MAST2: variants seen among roughly 807,000 people sequenced by gnomAD.
The protein encoded by MAST2 is microtubule associated serine/threonine kinase 2, also known as microtubule-associated serine/threonine-protein kinase 2.
A neutral mutation model predicts 147.4 loss-of-function variants in MAST2; 70 were observed. The ratio of observed to expected loss-of-function variants is 0.47; its 90% CI spans 0.39 to 0.58. MAST2 has a LOEUF of 0.58. MAST2 is among the 20% of genes least tolerant of loss of function. The pLI is 0.00. For synonymous variants in MAST2, 869 were observed against 896.8 expected (o/e 0.97, Z 0.55); for missense variants, 2,080 against 2,302.3 (o/e 0.90, Z 1.98).
At chr1:45,865,078 CT>C (rs772178654) in intron 3 of MAST2, 16 of 454,822 alleles carry the variant, frequency 3.5e-5, no homozygotes, top group South Asian at 1.9e-4. Context: ...TGGGGAGTGG[CT>C]TTTTTTTGTC....
In MAST2 at chr1:45,858,736, T is replaced by C. The variant is rs534353345; in HGVS notation, c.469-23628T>C. Among the ~76,000 whole-genome samples the C allele has an allele frequency of 3.7e-4, 56 of 150,922 alleles. No individual in the cohort carries two copies. In the South Asian group the frequency reaches 0.011, roughly 30 times the overall value. On this transcript the variant is annotated intron_variant, in intron 3 of 28. Coordinates refer to ENST00000361297, the MANE Select transcript of MAST2 (RefSeq NM_015112.3). ...TGCCTAGGTTTTCTTCTAGGGTTTT[T>C]ATGGTTTTAGGTCTAACATTTAAGT...
chr1:46,030,785 G>C lies in MAST2; in HGVS notation c.2708+24G>C, dbSNP rs1327390806. On this transcript the variant is annotated intron_variant, in intron 22 of 28. Transcript: ENST00000361297. ...ATGTGAGCACCCAGAGTTCACCCAG[G>C]GTGGGCGACACAGCTATCCCTGCAT... The C allele has an allele frequency of 1.9e-6, 3 of 1,550,590 alleles. No homozygotes were observed. The African/African-American group carries it at 4.1e-5, about 21-fold the overall frequency.
intron 4 of MAST2, among the ~76,000 whole-genome samples, chr1:45,958,503 C>T (rs1270432444): frequency 2.0e-5 from 3 of 150,984 alleles, no homozygotes; most frequent in African/African-American, 7.3e-5. Context: ...TCCTTTTCTC[C>T]CTCTCCCTCC....
At chr1:45,898,206 A>G (rs965396282) in intron 4 of MAST2, among the ~76,000 whole-genome samples, 3 of 152,192 alleles carry the variant, frequency 2.0e-5, no homozygotes, top group African/African-American at 7.2e-5. Context: ...TTGTGTAGTC[A>G]TACTAGCATC....
At chr1:45,815,886 A>G (rs1465722075) in intron 1 of MAST2, among the ~76,000 whole-genome samples, 5 of 152,166 alleles carry the variant, frequency 3.3e-5, no homozygotes, top group Admixed American at 1.3e-4. Context: ...GGGAAATGTC[A>G]TGTGGCCTGT....
chr1:45,869,910 CTTTTG>C (rs1646311556), intron 3 of MAST2, among the ~76,000 whole-genome samples: 1 of 117,744 alleles, frequency 8.5e-6, no homozygotes. Flanking sequence ...TCCTGTGATT[CTTTTG>C]TTTGTTTGTT....
intron 4 of MAST2, among the ~76,000 whole-genome samples, chr1:45,941,629 A>G (rs1047803788): frequency 3.9e-5 from 6 of 152,000 alleles, no homozygotes; most frequent in Admixed American, 1.3e-4. Flanking sequence ...GAATGATAAC[A>G]GTTTTACTTA....
intron 5 of MAST2, among the ~76,000 whole-genome samples, chr1:45,989,770 A>C (rs1644790048): frequency 6.6e-6 from 1 of 152,040 alleles, no homozygotes; most frequent in Non-Finnish European, 1.5e-5. Flanking sequence ...GGCACCATTG[A>C]TTGTTTTACT....
Position 46,032,399 on chromosome 1 carries a change from G to C in MAST2, c.3409G>C (p.Val1137Leu). The C allele has an allele frequency of 6.2e-7, 1 of 1,614,146 alleles. No homozygotes were observed. Among genetic ancestry groups the C allele is most frequent in the Non-Finnish European group, 8.5e-7 (1 of 1,180,012 alleles). Residue 1137 changes from valine to leucine, a missense_variant, in exon 25 of 29, where the codon GTG becomes CTG. Physicochemically the swap from Val to Leu is conservative, Grantham distance 32. Transcript: ENST00000361297. ...CGATGTCTACACCGTGCACCATATGGTGTGGGTATGTCTGACCATCCAGAC... is the reference window on the plus strand; with the variant it reads ...CGATGTCTACACCGTGCACCATATGCTGTGGGTATGTCTGACCATCCAGAC... ...DSDVYTVHHM[V>L]WHVEDGGPAS...
intron 3 of MAST2, among the ~76,000 whole-genome samples, chr1:45,839,616 G>A (rs1388741385): frequency 6.6e-6 from 1 of 152,110 alleles, no homozygotes; most frequent in Non-Finnish European, 1.5e-5. Context: ...TCTCCATTAA[G>A]CTATAGATTT....
At chr1:45,807,425 C>T (rs189551723) in intron 1 of MAST2, among the ~76,000 whole-genome samples, 5 of 152,284 alleles carry the variant, frequency 3.3e-5, no homozygotes, top group African/African-American at 1.2e-4. Context: ...TGTCACAGAA[C>T]ATCCTTGTAA....
chr1:45,810,428 A>T (rs1021193349), intron 1 of MAST2, among the ~76,000 whole-genome samples: 3 of 152,208 alleles, frequency 2.0e-5, no homozygotes, highest in Non-Finnish European at 4.4e-5. Flanking sequence ...TCGGTTTGTT[A>T]TTGCCAGACC....
chr1:46,027,638 G>A, intron 16 of MAST2, 93 bp from the exon 17 acceptor site: 1 of 1,378,294 alleles, frequency 7.3e-7, no homozygotes, highest in Non-Finnish European at 1.0e-6. Context: ...GTACCCCCAT[G>A]GAAGCCTGAG....
intron 2 of MAST2, among the ~76,000 whole-genome samples, chr1:45,825,441 T>C (rs1321667134): frequency 6.7e-6 from 1 of 149,804 alleles, no homozygotes; most frequent in Non-Finnish European, 1.5e-5. Flanking sequence ...TATCTTCTCT[T>C]TTTTTTTTTG....
At chr1:45,879,022 ATAAAGT>A (rs1646727482) in intron 3 of MAST2, among the ~76,000 whole-genome samples, 2 of 152,230 alleles carry the variant, frequency 1.3e-5, no homozygotes, top group Admixed American at 6.5e-5. Context: ...TTGGAAAATA[ATAAAGT>A]TAAAGGACTG....
intron 12 of MAST2, 89 bp from the exon 13 acceptor site, chr1:46,022,821 C>A: frequency 1.1e-6 from 1 of 942,820 alleles, no homozygotes; most frequent in Non-Finnish European, 1.8e-6. Context: ...TTAATGACTA[C>A]CCTACATGCA....
chr1:45,923,466 C>T (rs1215444374), intron 4 of MAST2, among the ~76,000 whole-genome samples: 1 of 152,190 alleles, frequency 6.6e-6, no homozygotes, highest in Non-Finnish European at 1.5e-5. Flanking sequence ...AGGCACTGTT[C>T]TTAGCACTTT....
intron 19 of MAST2, 98 bp from the exon 20 acceptor site, chr1:46,029,733 A>G (rs2149328122): frequency 2.7e-6 from 4 of 1,467,924 alleles, no homozygotes; most frequent in Non-Finnish European, 1.9e-6. Flanking sequence ...CTGATCCCCT[A>G]GGTATAGCTT....
chr1:45,887,161 T>C (rs1299664076), intron 4 of MAST2, among the ~76,000 whole-genome samples: 55 of 152,222 alleles, frequency 3.6e-4, no homozygotes, highest in Non-Finnish European at 2.9e-5. Context: ...TCAGCACCAG[T>C]ACCTAGACCC....
Sources: gnomAD v4.1 joint callset for allele counts (sites outside exome capture counted in the v4.1 genomes callset) on GRCh38, gnomAD v4.1.1 for gene constraint, MANE v1.5 for transcripts, NCBI Gene and HGNC (gene_info 2026-07-23, HGNC 2026-07-21) for gene names.